RYR3: variants seen among roughly 807,000 people sequenced by gnomAD.
The protein encoded by RYR3 is brain ryanodine receptor-calcium release channel.
RYR3 carries 207 observed loss-of-function variants against 584.3 expected under a neutral mutation model. The ratio of observed to expected loss-of-function variants is 0.35; its 90% CI spans 0.32 to 0.40. RYR3 has a LOEUF of 0.40. RYR3 is among the 10% of genes least tolerant of loss of function. The probability of loss-of-function intolerance (pLI) is 1.00; values close to 1 mark genes in which losing one functional copy is unlikely to be tolerated. For missense variants in RYR3, 5,616 were observed against 6,089.2 expected (o/e 0.92, Z 2.59); for synonymous variants, 2,416 against 2,248.5 (o/e 1.07, Z -2.11).
intron 1 of RYR3, chr15:33,465,769 G>A (rs1470991640): frequency 5.8e-6 from 3 of 519,030 alleles, no homozygotes; most frequent in Non-Finnish European, 1.2e-5. Flanking sequence ...GAGGATGCAA[G>A]ATGGTACAAT....
At position 33,834,327 on chromosome 15, in the gene RYR3, G is replaced by GCACACACACACAC. The variant is rs1567276035; in HGVS notation, c.11464-641_11464-640insCACACACACACAC. ...ACACACACACACACACACACACAGT[G>GCACACACACACAC]AGATTAACATGGAAAATGCAAACTA... On this transcript the variant is annotated intron_variant, in intron 86 of 103. Coordinates refer to ENST00000634891, the MANE Select transcript of RYR3 (RefSeq NM_001036.6). 2.5e-3 allele frequency among the ~76,000 whole-genome samples: 280 copies of GCACACACACACAC among 112,656 alleles called. 2 individuals are homozygous for GCACACACACACAC. Among genetic ancestry groups the GCACACACACACAC allele is most frequent in the African/African-American group, 8.5e-3 (273 of 32,234 alleles). 73.9% of individuals were successfully genotyped at this position (112,656 alleles called of 152,430 possible).
At chr15:33,342,880 G>T (rs1971999788) in intron 1 of RYR3, among the ~76,000 whole-genome samples, 1 of 152,160 alleles carries the variant, frequency 6.6e-6, no homozygotes, top group South Asian at 2.1e-4. Flanking sequence ...CCTTCCCAGT[G>T]TTGGAGGACA....
chr15:33,363,731 A>T (rs1027611769), intron 1 of RYR3, among the ~76,000 whole-genome samples: 2 of 152,236 alleles, frequency 1.3e-5, no homozygotes, highest in Non-Finnish European at 2.9e-5. Flanking sequence ...TTTTGTTAAC[A>T]GATGGGTTCT....
At position 33,425,877 on chromosome 15, in the gene RYR3, C is replaced by T. The variant is rs556828440; in HGVS notation, c.52-47542C>T. On this transcript the variant is annotated intron_variant, in intron 1 of 103. Coordinates refer to ENST00000634891, the MANE Select transcript of RYR3 (RefSeq NM_001036.6). ...CAGGATGGTCTCAATCTCCTGACCT[C>T]GTGATCCGCCCGCCTTGGCCTCCCA... 1.9e-3 allele frequency among the ~76,000 whole-genome samples: 294 copies of T among 152,148 alleles called. 2 individuals carry two copies. The highest frequency in any genetic ancestry group is 6.3e-3 in the African/African-American group (261 of 41,508).
At chr15:33,863,960 T>C (rs963866273) in intron 102 of RYR3, among the ~76,000 whole-genome samples, 178 bp from the exon 103 acceptor site, 1 of 152,200 alleles carries the variant, frequency 6.6e-6, no homozygotes, top group African/African-American at 2.4e-5. Flanking sequence ...TTGAGATTCA[T>C]GTGTGCTACT....
At chr15:33,793,375 T>G (rs2075276767) in intron 67 of RYR3, among the ~76,000 whole-genome samples, 1 of 152,168 alleles carries the variant, frequency 6.6e-6, no homozygotes, top group African/African-American at 2.4e-5. Flanking sequence ...CAGCACCTCC[T>G]GTCTCCCCAG....
chr15:33,562,445 C>A (rs570549217), intron 10 of RYR3, among the ~76,000 whole-genome samples: 5 of 152,236 alleles, frequency 3.3e-5, no homozygotes, highest in African/African-American at 9.6e-5. Context: ...ATAACCATTA[C>A]AATTATGGAA....
At chr15:33,839,757 T>C (rs2152982565) in intron 89 of RYR3, 1 of 152,316 alleles carries the variant, frequency 6.6e-6, no homozygotes, top group South Asian at 2.1e-4. Context: ...AAGACAAGTA[T>C]AAAGAATGCT....
At chr15:33,680,306 G>A (rs4779632) in intron 38 of RYR3, among the ~76,000 whole-genome samples, 127,039 of 152,172 alleles carry the variant, frequency 0.83, 53,480 homozygotes, top group Admixed American at 0.9. Flanking sequence ...TTCAGCAAAC[G>A]AGCAACAGGA....
chr15:33,734,666 T>G (rs567733989), intron 48 of RYR3, among the ~76,000 whole-genome samples: 1 of 150,900 alleles, frequency 6.6e-6, no homozygotes, highest in African/African-American at 2.4e-5. Flanking sequence ...AATCAGACTT[T>G]GGAGAAATTC....
intron 3 of RYR3, 113 bp from the exon 4 acceptor site, chr15:33,530,479 G>C: frequency 1.4e-6 from 1 of 730,320 alleles, no homozygotes; most frequent in Non-Finnish European, 2.4e-6. Flanking sequence ...TTCCTTAGGA[G>C]CTTTGCAATG....
At chr15:33,515,042 G>A (rs2053391734) in intron 3 of RYR3, among the ~76,000 whole-genome samples, 2 of 152,102 alleles carry the variant, frequency 1.3e-5, no homozygotes, top group Non-Finnish European at 1.5e-5. Flanking sequence ...CAATTTTATA[G>A]TTGATACATA....
intron 10 of RYR3, among the ~76,000 whole-genome samples, chr15:33,554,359 G>A (rs559645062): frequency 9.5e-5 from 14 of 147,312 alleles, no homozygotes; most frequent in East Asian, 8.0e-4. Context: ...ACAGTGGTGC[G>A]ATCTCGACTC....
At chr15:33,688,809 C>T (rs1408178823) in intron 38 of RYR3, among the ~76,000 whole-genome samples, 1 of 152,088 alleles carries the variant, frequency 6.6e-6, no homozygotes, top group East Asian at 1.9e-4. Context: ...TTGTGGAAGA[C>T]AGTGTGGCAA....
chr15:33,397,292 A>T (rs2042357488), intron 1 of RYR3, among the ~76,000 whole-genome samples: 1 of 152,216 alleles, frequency 6.6e-6, no homozygotes, highest in South Asian at 2.1e-4. Flanking sequence ...CAGGTTACAA[A>T]AGGAGCTATG....
intron 93 of RYR3, among the ~76,000 whole-genome samples, chr15:33,845,288 T>C (rs544456504): frequency 1.3e-5 from 2 of 152,284 alleles, no homozygotes; most frequent in South Asian, 4.2e-4. Context: ...GTTTCGCTCT[T>C]GTCTCGCAGG....
chr15:33,550,125 A>T (rs774555548), intron 9 of RYR3, 35 bp from the exon 10 acceptor site: 1 of 1,602,410 alleles, frequency 6.2e-7, no homozygotes, highest in African/African-American at 1.3e-5. Context: ...TTATTTTTGT[A>T]TAAATGCAAT....
At chr15:33,584,211 G>T (rs1053938336) in intron 14 of RYR3, among the ~76,000 whole-genome samples, 184 bp from the exon 15 acceptor site, 4 of 152,006 alleles carry the variant, frequency 2.6e-5, no homozygotes, top group African/African-American at 7.2e-5. Flanking sequence ...TGGGTGACTG[G>T]GTGAGACTGT....
chr15:33,704,021 G>C (rs1159589253), intron 42 of RYR3, among the ~76,000 whole-genome samples: 1 of 152,132 alleles, frequency 6.6e-6, no homozygotes, highest in East Asian at 1.9e-4. Flanking sequence ...TGTAATCCCA[G>C]CACTTCAGGA....
Sources: gnomAD v4.1 joint callset for allele counts (sites outside exome capture counted in the v4.1 genomes callset) on GRCh38, gnomAD v4.1.1 for gene constraint, MANE v1.5 for transcripts, NCBI Gene and HGNC (gene_info 2026-07-23, HGNC 2026-07-21) for gene names.